Variants in MYO15B observed in about 807,000 individuals in gnomAD.
MYO15B encodes the protein myosin XVB.
Under a neutral mutation model 119.3 loss-of-function variants are expected in MYO15B, and 207 were observed. The ratio of observed to expected loss-of-function variants is 1.73; its 90% CI spans 1.55 to 1.95. The LOEUF (loss-of-function observed/expected upper bound fraction) is 1.95, where lower values mean the gene tolerates loss of function less well. MYO15B is among the 30% of genes most tolerant of loss of function. MYO15B has a pLI of 0.00. For missense variants in MYO15B, 2,264 were observed against 1,203.1 expected (o/e 1.88, Z -13.04); for synonymous variants, 966 against 498.9 (o/e 1.94, Z -12.48).
intron 23 of MYO15B, 127 bp from the exon 24 acceptor site, chr17:75,611,468 CAAAAAA>C (rs11410750): frequency 1.7e-4 from 80 of 472,342 alleles, no homozygotes; most frequent in Non-Finnish European, 2.1e-4. Context: ...GACCCTGCCT[CAAAAAA>C]AAAAAAAAAA....
exon 1 of MYO15B, chr17:75,588,068 A>ACCAGCGCAAAGCGCC (rs1204809300): frequency 3.3e-5 from 13 of 398,232 alleles, no homozygotes; most frequent in Non-Finnish European, 5.8e-5. Flanking sequence ...ATGGGCAGGA[A>ACCAGCGCAAAGCGCC]CCAGCGCAAA....
Position 75,614,967 on chromosome 17 carries a change from G to T in MYO15B, c.5566G>T (p.Glu1856Ter). The change falls in exon 33 of 64, where the codon GAA (glutamate) becomes TAA (stop). Residue 1856 changes from glutamate to a stop codon, truncating the protein, a stop_gained. Coordinates refer to ENST00000645453, the Ensembl canonical transcript of MYO15B. LOFTEE classifies it high-confidence loss of function. ...GTGACCATTGTCCCTTTAGGATCTG[G>T]AACAAAGCTGGGCTCTGAGCAGCCG... The T allele has an allele frequency of 1.4e-6, 1 of 703,096 alleles. No homozygotes were observed. Among genetic ancestry groups the T allele is most frequent in the Non-Finnish European group, 2.6e-6 (1 of 385,038 alleles). The allele number at this position is 703,096 out of a possible 1,614,324, so 43.6% of individuals were successfully genotyped here.
rs1306788499 is a variant in MYO15B, at chr17:75,617,925, G to A, written c.6927+3G>A. 2.8e-6 allele frequency: 2 copies of A among 702,764 alleles called. No individual in the cohort carries two copies. The highest frequency in any genetic ancestry group is 2.6e-6 in the Non-Finnish European group (1 of 384,896). The allele number at this position is 702,764 out of a possible 1,614,324, so 43.5% of individuals were successfully genotyped here. A position where few individuals can be genotyped will look rare whatever the true frequency, so the allele number is the denominator to read the frequency against. On this transcript the variant is annotated splice_donor_region_variant and intron_variant, in intron 42 of 63. Coordinates refer to ENST00000645453, the Ensembl canonical transcript of MYO15B. ...GGAAGTTGTTCCTACGCAAGGAGGT[G>A]GGCATGAGGGTGGGGCCTTGGCCTG...
At chr17:75,600,634 G>T (rs1192834139) in intron 14 of MYO15B, 1 of 116,290 alleles carries the variant, frequency 8.6e-6, no homozygotes, top group African/African-American at 3.0e-5. Flanking sequence ...TGCCCAGGCT[G>T]GAGTGCAATG....
chr17:75,609,210 T>C (rs1197803708), intron 21 of MYO15B, among the ~76,000 whole-genome samples: 1 of 138,462 alleles, frequency 7.2e-6, no homozygotes, highest in African/African-American at 2.7e-5. Context: ...TCTGCTGCTC[T>C]TTTTTTTTTT....
intron 45 of MYO15B, 42 bp downstream of exon 45, chr17:75,619,518 A>C (rs1197651017): frequency 1.4e-6 from 1 of 694,760 alleles, no homozygotes; most frequent in East Asian, 2.7e-5. Context: ...CCAGGCCCCC[A>C]GCCTGGATCC....
At chr17:75,611,363 T>G (rs2058015338) in intron 23 of MYO15B, among the ~76,000 whole-genome samples, 1 of 150,796 alleles carries the variant, frequency 6.6e-6, no homozygotes, top group African/African-American at 2.4e-5. Flanking sequence ...TCAGGAGGTT[T>G]GAGGTGGGAG....
chr17:75,594,556 T>A (rs2056723980), exon 10 of MYO15B: 1 of 647,566 alleles, frequency 1.5e-6, no homozygotes. Context: ...ACCACCAGAG[T>A]GCCTGGAGGG....
At chr17:75,620,929 C>A in intron 49 of MYO15B, 102 bp from the exon 50 acceptor site, 1 of 702,458 alleles carries the variant, frequency 1.4e-6, no homozygotes, top group South Asian at 1.5e-5. Context: ...GGCTTCTGGT[C>A]TTGCTCCTTT....
intron 29 of MYO15B, 75 bp from the exon 30 acceptor site, chr17:75,614,124 C>G (rs762306865): frequency 1.9e-4 from 127 of 675,294 alleles, no homozygotes; most frequent in Non-Finnish European, 3.0e-4. Flanking sequence ...GCCCCCTGCC[C>G]CCTTGGCCCA....
Position 75,617,307 on chromosome 17 carries a change from A to G in MYO15B, c.6814+3A>G, listed in dbSNP as rs779144539. The G allele has an allele frequency of 4.8e-6, 3 of 629,566 alleles. No homozygotes were observed. Among genetic ancestry groups the G allele is most frequent in the Non-Finnish European group, 8.6e-6 (3 of 349,898 alleles). The allele number at this position is 629,566 out of a possible 1,614,324, so 39.0% of individuals were successfully genotyped here. ...GACCCTTTCAGCAGAGCGTCGTTGT[A>G]AGGAACCACATTTCTCCTGCGCCGT... is the stretch of plus-strand genomic sequence containing the variant. On this transcript the variant is annotated splice_donor_region_variant and intron_variant, in intron 41 of 63. Transcript: ENST00000645453.
At chr17:75,591,806 CT>C in intron 5 of MYO15B, 94 bp downstream of exon 5, 1 of 690,068 alleles carries the variant, frequency 1.4e-6, no homozygotes, top group East Asian at 2.7e-5. Flanking sequence ...TATCTTTCTC[CT>C]TTCAGCCAGG....
intron 3 of MYO15B, 74 bp downstream of exon 3, chr17:75,591,090 G>A: frequency 1.4e-6 from 1 of 695,684 alleles, no homozygotes; most frequent in East Asian, 2.7e-5. Flanking sequence ...CCTTGACTGA[G>A]GTCCCGGGGC....
intron 22 of MYO15B, 87 bp from the exon 23 acceptor site, chr17:75,610,813 A>C: frequency 8.6e-6 from 6 of 699,042 alleles, no homozygotes; most frequent in Non-Finnish European, 1.6e-5. Flanking sequence ...CAGGGGCAGG[A>C]GGGGACAGCT....
At chr17:75,597,423 T>C (rs1336015069) in intron 14 of MYO15B, among the ~76,000 whole-genome samples, 2 of 152,232 alleles carry the variant, frequency 1.3e-5, no homozygotes, top group Non-Finnish European at 1.5e-5. Flanking sequence ...ATTCATTCAC[T>C]GACTCCTTAC....
In MYO15B at chr17:75,610,278, G is replaced by A; in HGVS notation, c.4386+19G>A. ...ACTGCAGGTGCAGGGGCTTGGGTGG[G>A]GCGGTTCAGGGTAGAAGCCAGGCTG... On this transcript the variant is annotated intron_variant, in intron 22 of 63. Transcript: ENST00000645453. 1 of 689,872 alleles carries A rather than the reference G, an allele frequency of 1.4e-6. No individual in the cohort carries two copies. Among genetic ancestry groups the A allele is most frequent in the South Asian group, 1.5e-5 (1 of 66,330 alleles). The allele number at this position is 689,872 out of a possible 1,614,324, so 42.7% of individuals were successfully genotyped here. A position where few individuals can be genotyped will look rare whatever the true frequency, so the allele number is the denominator to read the frequency against.
chr17:75,600,904 AT>A (rs540929270), intron 14 of MYO15B, among the ~76,000 whole-genome samples: 35,828 of 113,372 alleles, frequency 0.32, 4,499 homozygotes, highest in Middle Eastern at 0.42. Flanking sequence ...CTAATTTTTA[AT>A]TTTTTTTTTT....
intron 19 of MYO15B, among the ~76,000 whole-genome samples, chr17:75,604,183 A>C (rs1488829304): frequency 6.6e-6 from 1 of 152,026 alleles, no homozygotes; most frequent in Non-Finnish European, 1.5e-5. Flanking sequence ...CTGGAAACCT[A>C]CCAGCTACAG....
exon 32 of MYO15B, chr17:75,614,840 C>G: frequency 1.4e-6 from 1 of 702,862 alleles, no homozygotes; most frequent in East Asian, 2.7e-5. Context: ...TGATATCCTC[C>G]GGCCTCAGCG....
Sources: gnomAD v4.1 joint callset for allele counts (sites outside exome capture counted in the v4.1 genomes callset) on GRCh38, gnomAD v4.1.1 for gene constraint, MANE v1.5 for transcripts, NCBI Gene and HGNC (gene_info 2026-07-23, HGNC 2026-07-21) for gene names.